SPAG16: variants seen among roughly 807,000 people sequenced by gnomAD.
SPAG16 encodes the protein sperm associated antigen 16.
In SPAG16, 86 loss-of-function variants were observed where a neutral mutation model predicts 80.4. The observed-to-expected ratio is 1.07, with a 90% CI of 0.90 to 1.28. The LOEUF is 1.28. Ranked by LOEUF, SPAG16 falls within the 50% of genes most tolerant of loss-of-function variation. SPAG16 has a pLI of 0.00. For missense variants in SPAG16, 870 were observed against 765.3 expected, an observed-to-expected ratio of 1.14 and a Z score of -1.61; for synonymous variants, 294 against 265.9, an observed-to-expected ratio of 1.11 and a Z score of -1.03.
At chr2:213,525,076 T>G (rs1431331207) in intron 10 of SPAG16, among the ~76,000 whole-genome samples, 2 of 152,090 alleles carry the variant, frequency 1.3e-5, no homozygotes, top group African/African-American at 4.8e-5. Context: ...AGCAGCTACC[T>G]CCATGCTGCT....
intron 15 of SPAG16, among the ~76,000 whole-genome samples, chr2:214,195,395 T>G (rs1167398713): frequency 6.6e-6 from 1 of 151,920 alleles, no homozygotes; most frequent in East Asian, 1.9e-4. Flanking sequence ...TCAATTCACA[T>G]TTTACAAAGA....
chr2:213,426,107 AT>A (rs2069897094), intron 9 of SPAG16, among the ~76,000 whole-genome samples: 1 of 152,182 alleles, frequency 6.6e-6, no homozygotes, highest in Admixed American at 6.5e-5. Context: ...GGCAGTTTTC[AT>A]TTTATGAAAT....
At chr2:213,597,567 T>A (rs1419269672) in intron 10 of SPAG16, among the ~76,000 whole-genome samples, 3 of 152,212 alleles carry the variant, frequency 2.0e-5, no homozygotes. Context: ...CAAAACTTCA[T>A]CTTGCTATAT....
chr2:213,967,514 A>C (rs1434849203), intron 12 of SPAG16, among the ~76,000 whole-genome samples: 1 of 152,212 alleles, frequency 6.6e-6, no homozygotes, highest in Non-Finnish European at 1.5e-5. Context: ...TAATTGGAGA[A>C]AAAAGGAATA....
At position 214,096,037 on chromosome 2, in the gene SPAG16, A is replaced by C. The variant is rs181988607; in HGVS notation, c.1528-12159A>C. 1.4e-4 allele frequency among the ~76,000 whole-genome samples: 21 copies of C among 152,136 alleles called. No individual in the cohort carries two copies. The East Asian group carries it at 4.1e-3, about 29-fold the overall frequency. On this transcript the variant is annotated intron_variant, in intron 13 of 15. Coordinates refer to ENST00000331683, the MANE Select transcript of SPAG16 (RefSeq NM_024532.5). ...TGAATTATAGAATGTAATGGTGAGA[A>C]TAATTAATTGAATATATAATAGAAA... is the stretch of plus-strand genomic sequence containing the variant.
At chr2:214,159,032 T>C (rs1357900373) in intron 15 of SPAG16, among the ~76,000 whole-genome samples, 2 of 151,970 alleles carry the variant, frequency 1.3e-5, no homozygotes, top group African/African-American at 4.8e-5. Context: ...GTATGAGAAA[T>C]TAGTTGCGTA....
chr2:213,649,842 G>A (rs1018917554), intron 10 of SPAG16, among the ~76,000 whole-genome samples: 19 of 151,964 alleles, frequency 1.3e-4, no homozygotes, highest in African/African-American at 3.6e-4. Context: ...CACTGTGTCC[G>A]GAGCACAGCT....
chr2:213,948,112 C>T (rs574486867), intron 12 of SPAG16, among the ~76,000 whole-genome samples: 1 of 152,102 alleles, frequency 6.6e-6, no homozygotes, highest in South Asian at 2.1e-4. Context: ...ATTAGTTTCC[C>T]TGTAGGCTCT....
chr2:213,860,295 A>G (rs1024835728), intron 10 of SPAG16, among the ~76,000 whole-genome samples: 4 of 151,122 alleles, frequency 2.6e-5, no homozygotes, highest in Admixed American at 2.0e-4. Flanking sequence ...AGAACATTGT[A>G]TGCCTTGCTG....
intron 10 of SPAG16, among the ~76,000 whole-genome samples, chr2:213,541,582 T>C (rs1342277180): frequency 6.6e-6 from 1 of 152,128 alleles, no homozygotes; most frequent in Non-Finnish European, 1.5e-5. Flanking sequence ...ACCATGCCAC[T>C]GCACTCCAGC....
Position 213,363,686 on chromosome 2 carries a change from C to G in SPAG16, c.763-390C>G, listed in dbSNP as rs191400347. 8.7e-3 allele frequency among the ~76,000 whole-genome samples: 1,321 copies of G among 151,902 alleles called. 8 individuals carry two copies. Among genetic ancestry groups the G allele is most frequent in the Non-Finnish European group, 0.013 (912 of 67,904 alleles). Reference sequence around the variant, plus strand: ...AACAACCTCTTCATATTTTACATTCCAAGTGATAATTACCTTGTATTTTAT... The same window carrying G: ...AACAACCTCTTCATATTTTACATTCGAAGTGATAATTACCTTGTATTTTAT... On this transcript the variant is annotated intron_variant, in intron 7 of 15. Transcript: ENST00000331683.
chr2:213,890,541 T>C (rs1356643575), intron 11 of SPAG16, among the ~76,000 whole-genome samples: 1 of 152,048 alleles, frequency 6.6e-6, no homozygotes, highest in Non-Finnish European at 1.5e-5. Flanking sequence ...CAAATATCTT[T>C]ATGAAAAATT....
intron 10 of SPAG16, among the ~76,000 whole-genome samples, chr2:213,722,346 G>T (rs2125398201): frequency 6.6e-6 from 1 of 152,242 alleles, no homozygotes; most frequent in South Asian, 2.1e-4. Context: ...ATTTAAAGTT[G>T]AATTTAAATT....
intron 10 of SPAG16, among the ~76,000 whole-genome samples, chr2:213,576,387 G>A (rs2060126510): frequency 1.3e-5 from 2 of 151,978 alleles, no homozygotes; most frequent in Admixed American, 6.6e-5. Context: ...TTTTGCTTTG[G>A]ATTCAGCCAT....
chr2:214,034,438 CTT>C (rs2048578628), intron 13 of SPAG16, among the ~76,000 whole-genome samples: 1 of 152,220 alleles, frequency 6.6e-6, no homozygotes, highest in African/African-American at 2.4e-5. Flanking sequence ...CCAGTGGTGT[CTT>C]TGCTTGAGTT....
At chr2:213,981,948 T>G (rs894585824) in intron 12 of SPAG16, among the ~76,000 whole-genome samples, 3 of 150,480 alleles carry the variant, frequency 2.0e-5, no homozygotes, top group African/African-American at 7.5e-5. Flanking sequence ...CACTATACCT[T>G]TTTCTAAATT....
At chr2:214,399,527 C>A (rs1701591983) in intron 15 of SPAG16, among the ~76,000 whole-genome samples, 1 of 151,940 alleles carries the variant, frequency 6.6e-6, no homozygotes, top group Admixed American at 6.6e-5. Flanking sequence ...AAAGAGGATT[C>A]CTTTATAATG....
chr2:214,196,972 G>T, intron 15 of SPAG16, among the ~76,000 whole-genome samples: 1 of 151,948 alleles, frequency 6.6e-6, no homozygotes, highest in East Asian at 1.9e-4. Flanking sequence ...CTTGATGCCA[G>T]CTTCTTATGA....
chr2:214,315,638 C>A (rs1330544517), intron 15 of SPAG16, among the ~76,000 whole-genome samples: 2 of 151,964 alleles, frequency 1.3e-5, no homozygotes, highest in African/African-American at 4.8e-5. Flanking sequence ...CTCAGGTGAT[C>A]CTCCCACCTC....
Sources: gnomAD v4.1 joint callset for allele counts (sites outside exome capture counted in the v4.1 genomes callset) on GRCh38, gnomAD v4.1.1 for gene constraint, MANE v1.5 for transcripts, NCBI Gene and HGNC (gene_info 2026-07-23, HGNC 2026-07-21) for gene names.